GABRB1: variants seen among roughly 807,000 people sequenced by gnomAD.
The protein encoded by GABRB1 is gamma-aminobutyric acid type A receptor subunit beta1, also known as gamma-aminobutyric acid receptor subunit beta-1.
A neutral mutation model predicts 51.6 loss-of-function variants in GABRB1; 17 were observed. The ratio of observed to expected loss-of-function variants is 0.33; its 90% confidence interval spans 0.23 to 0.49. GABRB1 has a LOEUF of 0.49. GABRB1 is among the 20% of genes least tolerant of loss of function. The pLI is 0.99. For missense variants in GABRB1, 410 were observed against 600.6 expected (o/e 0.68, Z 3.32); for synonymous variants, 247 against 218.9 (o/e 1.13, Z -1.14).
At chr4:47,107,584 T>C (rs1446669604) in intron 3 of GABRB1, among the ~76,000 whole-genome samples, 1 of 152,150 alleles carries the variant, frequency 6.6e-6, no homozygotes, top group Admixed American at 6.6e-5. Flanking sequence ...TGCCTCTGTT[T>C]ATTCATCTGT....
chr4:47,241,753 T>C (rs1275358945), intron 4 of GABRB1, among the ~76,000 whole-genome samples: 1 of 152,210 alleles, frequency 6.6e-6, no homozygotes, highest in East Asian at 1.9e-4. Flanking sequence ...AACAAAGGTC[T>C]TGTTTTCTTT....
chr4:47,313,147 T>C (rs1444285705), intron 4 of GABRB1, among the ~76,000 whole-genome samples: 1 of 152,180 alleles, frequency 6.6e-6, no homozygotes, highest in Non-Finnish European at 1.5e-5. Flanking sequence ...ATTGGGATTA[T>C]AATGTAATCC....
chr4:47,055,235 T>C (rs1726538292), intron 3 of GABRB1, among the ~76,000 whole-genome samples: 1 of 152,218 alleles, frequency 6.6e-6, no homozygotes, highest in Non-Finnish European at 1.5e-5. Context: ...TAGATGCATG[T>C]GTAGCATAGA....
At chr4:47,025,879 C>T (rs999690759) in intron 1 of GABRB1, among the ~76,000 whole-genome samples, 1 of 151,972 alleles carries the variant, frequency 6.6e-6, no homozygotes, top group African/African-American at 2.4e-5. Flanking sequence ...TTTACTACTT[C>T]CGTTTTTTTT....
chr4:47,012,556 G>A (rs923977775), intron 1 of GABRB1, among the ~76,000 whole-genome samples: 3 of 152,172 alleles, frequency 2.0e-5, no homozygotes, highest in Non-Finnish European at 4.4e-5. Context: ...GATTACCTAT[G>A]TTTAAACATT....
intron 4 of GABRB1, among the ~76,000 whole-genome samples, chr4:47,177,816 GTT>G (rs5858057): frequency 0.61 from 80,828 of 132,422 alleles, 23,794 homozygotes; most frequent in Middle Eastern, 0.77. Flanking sequence ...AAGAACAGTG[GTT>G]TTTTTTTTTT....
chr4:47,275,777 A>G (rs939532405), intron 4 of GABRB1, among the ~76,000 whole-genome samples: 2 of 152,188 alleles, frequency 1.3e-5, no homozygotes, highest in African/African-American at 2.4e-5. Flanking sequence ...AATGAAGCGC[A>G]TAAAAGATTC....
chr4:47,248,917 C>G (rs948356659), intron 4 of GABRB1, among the ~76,000 whole-genome samples: 1 of 151,930 alleles, frequency 6.6e-6, no homozygotes, highest in Non-Finnish European at 1.5e-5. Flanking sequence ...GTTAATATTG[C>G]TAATGGTCTA....
At chr4:47,008,691 C>T (rs1443053514) in intron 1 of GABRB1, among the ~76,000 whole-genome samples, 1 of 142,084 alleles carries the variant, frequency 7.0e-6, no homozygotes, top group African/African-American at 2.6e-5. Flanking sequence ...GTTGGCCAGG[C>T]TGGTCTTGAA....
chr4:47,264,825 G>T (rs939020873), intron 4 of GABRB1, among the ~76,000 whole-genome samples: 4 of 152,036 alleles, frequency 2.6e-5, no homozygotes, highest in Admixed American at 6.6e-5. Context: ...TCTTTGCCCA[G>T]GACCTTCAAG....
intron 5 of GABRB1, among the ~76,000 whole-genome samples, chr4:47,328,984 G>A (rs1235570494): frequency 6.6e-6 from 1 of 151,724 alleles, no homozygotes; most frequent in Non-Finnish European, 1.5e-5. Context: ...TATGGAAATT[G>A]TTCTGAGAAA....
intron 4 of GABRB1, among the ~76,000 whole-genome samples, chr4:47,238,563 A>C (rs1220807837): frequency 6.6e-6 from 1 of 152,188 alleles, no homozygotes; most frequent in Non-Finnish European, 1.5e-5. Flanking sequence ...TGGCATTCAA[A>C]CATGCTCGGA....
intron 3 of GABRB1, among the ~76,000 whole-genome samples, chr4:47,150,612 C>G (rs765424965): frequency 6.8e-6 from 1 of 146,592 alleles, no homozygotes; most frequent in South Asian, 2.2e-4. Context: ...TAAATATATA[C>G]TATCTTTTCA....
rs189536058 is a variant in GABRB1 at position 47,408,078 on chromosome 4, T to C, written c.1080+1152T>C. 7.9e-5 allele frequency among the ~76,000 whole-genome samples: 12 copies of C among 152,168 alleles called. No homozygotes were observed. In the South Asian group the frequency reaches 1.0e-3, roughly 13 times the overall value. On this transcript the variant is annotated intron_variant, in intron 8 of 8. Coordinates refer to ENST00000295454, the MANE Select transcript of GABRB1 (RefSeq NM_000812.4). Reference sequence around the variant, plus strand: ...CTGCACCCCAGTCTGGGTGACAGAGTGAGACCCTGTCTTAAAATAATAATA... The same window carrying C: ...CTGCACCCCAGTCTGGGTGACAGAGCGAGACCCTGTCTTAAAATAATAATA...
intron 4 of GABRB1, among the ~76,000 whole-genome samples, chr4:47,302,669 T>G (rs1388291306): frequency 6.6e-6 from 1 of 152,144 alleles, no homozygotes; most frequent in Admixed American, 6.5e-5. Flanking sequence ...TACAAGATCT[T>G]GAATGTACTC....
intron 3 of GABRB1, among the ~76,000 whole-genome samples, chr4:47,066,397 C>G (rs1727084050): frequency 6.6e-6 from 1 of 152,156 alleles, no homozygotes. Flanking sequence ...CACTTTCTTT[C>G]ATGAAAGACT....
chr4:47,299,148 C>G (rs1184038591), intron 4 of GABRB1, among the ~76,000 whole-genome samples: 1 of 152,018 alleles, frequency 6.6e-6, no homozygotes, highest in Non-Finnish European at 1.5e-5. Flanking sequence ...AGAAGAAAAC[C>G]TAGGTATTAC....
chr4:47,129,041 C>T (rs1005402845), intron 3 of GABRB1, among the ~76,000 whole-genome samples: 2 of 152,014 alleles, frequency 1.3e-5, no homozygotes, highest in Admixed American at 1.3e-4. Context: ...ATCACATATA[C>T]ATACATGATT....
chr4:47,050,053 AG>A (rs1463090567), intron 3 of GABRB1, among the ~76,000 whole-genome samples: 1 of 152,196 alleles, frequency 6.6e-6, no homozygotes, highest in Non-Finnish European at 1.5e-5. Flanking sequence ...GAGTTTAGCA[AG>A]CAAATGCTTA....
Sources: gnomAD v4.1 joint callset for allele counts (sites outside exome capture counted in the v4.1 genomes callset) on GRCh38, gnomAD v4.1.1 for gene constraint, MANE v1.5 for transcripts, NCBI Gene and HGNC (gene_info 2026-07-23, HGNC 2026-07-21) for gene names.